GNA11: variants seen among roughly 807,000 people sequenced by gnomAD.
The protein encoded by GNA11 is guanine nucleotide-binding protein subunit alpha-11.
Under a neutral mutation model 38.2 loss-of-function variants are expected in GNA11, and 8 were observed. The observed-to-expected ratio is 0.21, with a 90% CI of 0.12 to 0.38. The LOEUF (loss-of-function observed/expected upper bound fraction) is 0.38, where lower values mean the gene tolerates loss of function less well. GNA11 is among the 10% of genes least tolerant of loss of function. The pLI is 1.00. For synonymous variants in GNA11, 211 were observed against 221.4 expected (o/e 0.95, Z 0.42); for missense variants, 268 against 516.3 (o/e 0.52, Z 4.66).
At chr19:3,118,758 G>T (rs1913987584) in intron 4 of GNA11, 166 bp from the exon 5 acceptor site, 2 of 641,694 alleles carry the variant, frequency 3.1e-6, no homozygotes, top group Non-Finnish European at 5.4e-6. Flanking sequence ...AGGCGGTGCG[G>T]CCGCTCTCTG....
intron 2 of GNA11, among the ~76,000 whole-genome samples, chr19:3,111,466 G>C (rs1175242533): frequency 6.6e-6 from 1 of 152,156 alleles, no homozygotes; most frequent in African/African-American, 2.4e-5. Flanking sequence ...ACGTCCTCAA[G>C]GTGCATCCAC....
At chr19:3,109,239 AG>A (rs963153330) in intron 1 of GNA11, among the ~76,000 whole-genome samples, 141 of 148,792 alleles carry the variant, frequency 9.5e-4, no homozygotes, top group African/African-American at 3.5e-3. Flanking sequence ...GGAGGTGACC[AG>A]GTGAGAGGCA....
In GNA11 at chr19:3,118,920, T is replaced by C. The variant is rs1319824204; in HGVS notation, c.606-4T>C. Reference sequence around the variant, plus strand: ...GGCTGAGTCCTGGCGCTGTGTCCTTTCAGGATGGTGGATGTGGGGGGCCAG... The same window carrying C: ...GGCTGAGTCCTGGCGCTGTGTCCTTCCAGGATGGTGGATGTGGGGGGCCAG... On this transcript the variant is annotated splice_polypyrimidine_tract_variant and splice_region_variant and intron_variant, in intron 4 of 6. Transcript: ENST00000078429. The C allele has an allele frequency of 1.6e-5, 26 of 1,613,644 alleles. No individual in the cohort carries two copies. In the Admixed American group the frequency reaches 4.3e-4, roughly 27 times the overall value.
intron 1 of GNA11, among the ~76,000 whole-genome samples, chr19:3,103,320 C>T (rs551552951): frequency 6.6e-6 from 1 of 151,592 alleles, no homozygotes; most frequent in Non-Finnish European, 1.5e-5. Context: ...TCAAGTGATT[C>T]TCCTGCCTCA....
At position 3,108,567 on chromosome 19, in the gene GNA11, T is replaced by C. The variant is rs761758104; in HGVS notation, c.137-1582T>C. On this transcript the variant is annotated intron_variant, in intron 1 of 6. Transcript: ENST00000078429. The surrounding 1 kb of genome is among the most constrained non-coding windows in gnomAD (Gnocchi z 4.5). ...GCATGCTGGGAGGGGGCGGTGACGC[T>C]TGAGTCTCTAGGGCACCGGGGGCCT... Among the ~76,000 whole-genome samples, 1 of 151,974 alleles carries C rather than the reference T, an allele frequency of 6.6e-6. No homozygotes were observed. The highest frequency in any genetic ancestry group is 1.5e-5 in the Non-Finnish European group (1 of 67,972).
At chr19:3,103,517 ATCTT>A (rs1913555621) in intron 1 of GNA11, among the ~76,000 whole-genome samples, 1 of 60,348 alleles carries the variant, frequency 1.7e-5, no homozygotes, top group South Asian at 4.8e-4. Flanking sequence ...CCGGCCTTGA[ATCTT>A]TTTTTTTTTT....
chr19:3,115,610 G>T (rs549873629), intron 4 of GNA11, among the ~76,000 whole-genome samples: 2 of 151,734 alleles, frequency 1.3e-5, no homozygotes, highest in Admixed American at 6.6e-5. Flanking sequence ...CCTCCAGGAC[G>T]GGCCGGGGGC....
Position 3,094,594 on chromosome 19 carries a change from G to A in GNA11, c.-58G>A. ...GGCCGAGGCGGCTCCGGCCAGGGCC[G>A]GGCCGGGGGCCGGGGGGCGGCGGCG... is the stretch of plus-strand genomic sequence containing the variant. On this transcript the variant is annotated 5_prime_UTR_variant, in exon 1 of 7. Transcript: ENST00000078429. The surrounding 1 kb of genome is among the most constrained non-coding windows in gnomAD (Gnocchi z 6.0). The A allele has an allele frequency of 2.2e-6, 2 of 910,342 alleles. No individual in the cohort carries two copies. Among genetic ancestry groups the A allele is most frequent in the Non-Finnish European group, 2.7e-6 (2 of 753,304 alleles). The allele number at this position is 910,342 out of a possible 1,614,324, so 56.4% of individuals were successfully genotyped here.
intron 4 of GNA11, chr19:3,118,225 A>G (rs1052392543): frequency 6.6e-6 from 1 of 152,062 alleles, no homozygotes; most frequent in Non-Finnish European, 1.5e-5. Flanking sequence ...GTATTCTTTC[A>G]AGGAGACCAA....
intron 2 of GNA11, 114 bp from the exon 3 acceptor site, chr19:3,113,216 G>A: frequency 1.0e-6 from 1 of 955,302 alleles, no homozygotes; most frequent in Non-Finnish European, 1.7e-6. Flanking sequence ...TGACTGCACA[G>A]CCTGCGGAAT....
At chr19:3,097,230 G>A (rs937369058) in intron 1 of GNA11, among the ~76,000 whole-genome samples, 2 of 152,148 alleles carry the variant, frequency 1.3e-5, no homozygotes, top group African/African-American at 4.8e-5. Flanking sequence ...TGGCGCCTGC[G>A]GCCCACGGAA....
Position 3,122,832 on chromosome 19 carries a change from T to C in GNA11, c.*1653T>C. ...CCTCCTCGTCCGCAGGGCTGTCTGC[T>C]GGCTTCTGGGGGCAGAAGAGCGGGG... On this transcript the variant is annotated 3_prime_UTR_variant, in exon 7 of 7. Transcript: ENST00000078429. This position sits in a 1 kb window ranked among gnomAD's most constrained non-coding sequence, Gnocchi z 7.7. The C allele has an allele frequency of 4.3e-6, 1 of 233,488 alleles. No individual in the cohort carries two copies. The highest frequency in any genetic ancestry group is 1.8e-4 in the South Asian group (1 of 5,532). 14.5% of individuals were successfully genotyped at this position (233,488 alleles called of 1,614,324 possible). A position where few individuals can be genotyped will look rare whatever the true frequency, so the allele number is the denominator to read the frequency against.
intron 1 of GNA11, among the ~76,000 whole-genome samples, chr19:3,104,528 G>A (rs553430150): frequency 2.0e-5 from 3 of 152,332 alleles, no homozygotes; most frequent in Admixed American, 6.5e-5. Context: ...GGGAGATGTG[G>A]GCCCCATTCT....
rs1914143776 is a variant in GNA11 at position 3,123,589 on chromosome 19, C to T, written c.*2410C>T. On this transcript the variant is annotated 3_prime_UTR_variant, in exon 7 of 7. Transcript: ENST00000078429. ...ACCACCTTCTCCGACCATGTTACGC[C>T]CGGGCGGCAGCAGCCCCCGGCCACT... 1 of 233,156 alleles carries T rather than the reference C, an allele frequency of 4.3e-6. No individual in the cohort carries two copies. The highest frequency in any genetic ancestry group is 5.6e-5 in the Admixed American group (1 of 17,806). The allele number at this position is 233,156 out of a possible 1,614,324, so 14.4% of individuals were successfully genotyped here.
Position 3,119,978 on chromosome 19 carries a change from C to T in GNA11, c.889+619C>T, listed in dbSNP as rs1914026340. ...CCCTCTCTGGGCCTGGGGATGGCGGCCAGGGGAGGGTGTTGTGTGCCCTCG... is the reference window on the plus strand; with the variant it reads ...CCCTCTCTGGGCCTGGGGATGGCGGTCAGGGGAGGGTGTTGTGTGCCCTCG... On this transcript the variant is annotated intron_variant, in intron 6 of 6. Coordinates refer to ENST00000078429, the MANE Select transcript of GNA11 (RefSeq NM_002067.5). This position sits in a 1 kb window ranked among gnomAD's most constrained non-coding sequence, Gnocchi z 4.6. Among the ~76,000 whole-genome samples, 2 of 151,880 alleles carry T rather than the reference C, an allele frequency of 1.3e-5. No homozygotes were observed. Among genetic ancestry groups the T allele is most frequent in the Admixed American group, 1.3e-4 (2 of 15,260 alleles).
chr19:3,115,459 C>T (rs1380516538), intron 4 of GNA11: 1 of 185,204 alleles, frequency 5.4e-6, no homozygotes, highest in Non-Finnish European at 1.1e-5. Context: ...TGTGTTTGAC[C>T]AGGTCAGGGG....
chr19:3,106,288 C>T (rs990714429), intron 1 of GNA11, among the ~76,000 whole-genome samples: 1 of 152,140 alleles, frequency 6.6e-6, no homozygotes, highest in Non-Finnish European at 1.5e-5. Context: ...GTGTGTGGAC[C>T]CCTGCGTCCC....
chr19:3,105,708 G>A lies in GNA11; in HGVS notation c.137-4441G>A, dbSNP rs7257604. Among the ~76,000 whole-genome samples, 748 of 152,290 alleles carry A rather than the reference G, an allele frequency of 4.9e-3. 8 individuals carry two copies. The highest frequency in any genetic ancestry group is 0.017 in the African/African-American group (701 of 41,550). Reference sequence around the variant, plus strand: ...CCACTTGGTGCGTTGCCCTTGGGGTGGCGGTGTGGTCAGTGGTCCATTCCT... The same window carrying A: ...CCACTTGGTGCGTTGCCCTTGGGGTAGCGGTGTGGTCAGTGGTCCATTCCT... On this transcript the variant is annotated intron_variant, in intron 1 of 6. Coordinates refer to ENST00000078429, the MANE Select transcript of GNA11 (RefSeq NM_002067.5).
At chr19:3,098,614 C>T (rs71339167) in intron 1 of GNA11, among the ~76,000 whole-genome samples, 4,336 of 152,366 alleles carry the variant, frequency 0.028, 98 homozygotes, top group Middle Eastern at 0.051. Flanking sequence ...CGGAGGCTTC[C>T]TGTCCGGCCT....
Sources: allele counts gnomAD v4.1 joint callset (sites outside exome capture counted in the v4.1 genomes callset), GRCh38; gene constraint gnomAD v4.1.1; non-coding constraint Gnocchi (gnomAD v3.1); transcripts MANE v1.5; gene names NCBI Gene and HGNC (gene_info 2026-07-23, HGNC 2026-07-21).